ETS1: variants seen among roughly 807,000 people sequenced by gnomAD.
ETS1 encodes protein C-ets-1.
A neutral mutation model predicts 58.6 loss-of-function variants in ETS1; 15 were observed. That is an observed-to-expected ratio of 0.26 (90% CI 0.17 to 0.39). The LOEUF (loss-of-function observed/expected upper bound fraction) is 0.39. ETS1 is among the 10% of genes least tolerant of loss of function. ETS1 has a pLI of 1.00. For missense variants in ETS1, 417 were observed against 610.5 expected (o/e 0.68, Z 3.34); for synonymous variants, 214 against 218.2 (o/e 0.98, Z 0.17).
At chr11:128,546,664 T>A (rs1304541078) in intron 3 of ETS1, among the ~76,000 whole-genome samples, 1 of 152,178 alleles carries the variant, frequency 6.6e-6, no homozygotes, top group Non-Finnish European at 1.5e-5. Context: ...AAAAAATTTT[T>A]TTTTTGCTCT....
intron 2 of ETS1, among the ~76,000 whole-genome samples, chr11:128,571,383 CTCCAGCCTGGGTGACAGAGCGAGACTCCG>C (rs1279243610): frequency 7.5e-5 from 11 of 147,210 alleles, no homozygotes; most frequent in South Asian, 4.2e-4. Flanking sequence ...CACCACAGCA[CTCCAGCCTGGGTGACAGAGCGAGACTCCG>C]TCCAGCCTGG....
At chr11:128,548,152 G>GAAGGA (rs1565405280) in intron 3 of ETS1, among the ~76,000 whole-genome samples, 7 of 95,736 alleles carry the variant, frequency 7.3e-5, no homozygotes, top group South Asian at 3.8e-4. Flanking sequence ...GAAGGGAAGG[G>GAAGGA]AAGGAAAGGA....
chr11:128,580,287 A>C (rs1864840336), intron 1 of ETS1, among the ~76,000 whole-genome samples: 1 of 151,928 alleles, frequency 6.6e-6, no homozygotes, highest in South Asian at 2.1e-4. Context: ...CTTTTCTCTA[A>C]ACTATAGGAT....
chr11:128,486,186 T>A (rs368807549), intron 5 of ETS1, 40 bp from the exon 6 acceptor site: 2 of 1,289,994 alleles, frequency 1.6e-6, no homozygotes, highest in Non-Finnish European at 2.2e-6. Flanking sequence ...GAGGTCAATA[T>A]TCAAGTCATG....
chr11:128,497,240 G>A (rs992554875), intron 3 of ETS1, among the ~76,000 whole-genome samples: 4 of 152,110 alleles, frequency 2.6e-5, no homozygotes, highest in Non-Finnish European at 4.4e-5. Flanking sequence ...ACAGTATCTC[G>A]GTTTGCTGCC....
chr11:128,468,699 T>C (rs986007738), intron 8 of ETS1, among the ~76,000 whole-genome samples: 3 of 152,178 alleles, frequency 2.0e-5, no homozygotes, highest in South Asian at 4.1e-4. Flanking sequence ...ATTTCCATAG[T>C]ACATGGCTTA....
In ETS1 at chr11:128,461,204, T is replaced by G. The variant is rs536552640; in HGVS notation, c.*1157A>C. On this transcript the variant is annotated 3_prime_UTR_variant, in exon 10 of 10. Coordinates refer to ENST00000392668, the MANE Select transcript of ETS1 (RefSeq NM_001143820.2). Reference sequence around the variant, plus strand: ...TGGAAAATAAGACATAAAAGAAAAATTACAGAGTGTTAGTTTGGAACGACA... The same window carrying G: ...TGGAAAATAAGACATAAAAGAAAAAGTACAGAGTGTTAGTTTGGAACGACA... 6.5e-6 allele frequency: 1 copy of G among 152,788 alleles called. No homozygotes were observed. The highest frequency in any genetic ancestry group is 2.4e-5 in the African/African-American group (1 of 41,544). 9.5% of individuals were successfully genotyped at this position (152,788 alleles called of 1,614,324 possible).
intron 3 of ETS1, among the ~76,000 whole-genome samples, chr11:128,531,767 A>T (rs926484156): frequency 1.3e-5 from 2 of 152,318 alleles, no homozygotes; most frequent in East Asian, 3.9e-4. Flanking sequence ...TTGATAGCCA[A>T]TGATTTTTGC....
At chr11:128,546,136 G>A (rs546620056) in intron 3 of ETS1, among the ~76,000 whole-genome samples, 3 of 152,340 alleles carry the variant, frequency 2.0e-5, no homozygotes, top group East Asian at 3.8e-4. Context: ...AAAATGCTAA[G>A]ACATTGCTGG....
intron 3 of ETS1, among the ~76,000 whole-genome samples, chr11:128,534,254 A>G (rs1863940391): frequency 1.3e-5 from 2 of 152,176 alleles, no homozygotes; most frequent in Admixed American, 6.5e-5. Context: ...ACCATAAAAA[A>G]TTTCCTTCCA....
intron 3 of ETS1, chr11:128,526,568 T>C: frequency 4.2e-6 from 1 of 240,450 alleles, no homozygotes; most frequent in Non-Finnish European, 8.3e-6. Context: ...TGCTCAATTT[T>C]CCTGAACGAT....
At chr11:128,585,169 A>AAAGAAAGAAG (rs1337292261) in intron 1 of ETS1, among the ~76,000 whole-genome samples, 1 of 23,738 alleles carries the variant, frequency 4.2e-5, no homozygotes, top group Admixed American at 3.8e-4. Flanking sequence ...AGAAAGAAAG[A>AAAGAAAGAAG]GAAAGAAAGA....
intron 3 of ETS1, among the ~76,000 whole-genome samples, chr11:128,512,550 A>C (rs1158946431): frequency 6.6e-6 from 1 of 152,202 alleles, no homozygotes; most frequent in African/African-American, 2.4e-5. Flanking sequence ...GCCACAGCCC[A>C]GTACATTTGT....
Position 128,522,396 on chromosome 11 carries a change from G to C in ETS1, c.215-31820C>G, listed in dbSNP as rs1296125090. ...CGCGGCGCCGCGTCTCGGCCGCTGG[G>C]TCCGCGCGCCCTGGGCCGGGCGATG... On this transcript the variant is annotated intron_variant, in intron 3 of 9. Coordinates refer to ENST00000392668, the MANE Select transcript of ETS1 (RefSeq NM_001143820.2). 3.1e-6 allele frequency: 3 copies of C among 971,924 alleles called. No individual in the cohort carries two copies. The African/African-American group carries it at 5.3e-5, about 17-fold the overall frequency. 60.2% of individuals were successfully genotyped at this position (971,924 alleles called of 1,614,324 possible).
intron 3 of ETS1, among the ~76,000 whole-genome samples, chr11:128,508,056 G>A (rs984023061): frequency 1.3e-5 from 2 of 152,214 alleles, no homozygotes; most frequent in Admixed American, 6.5e-5. Context: ...CCTAACTCAC[G>A]TTCGGTAAGA....
At position 128,585,031 on chromosome 11, in the gene ETS1, GAA is replaced by G. The variant is rs201786678; in HGVS notation, c.-15+2455_-15+2456del. On this transcript the variant is annotated intron_variant, in intron 1 of 9. Transcript: ENST00000392668. ...AGAAAGGAAAGAAAGAAGAAAGAAA[GAA>G]AAGAAAGAAAGAAAGAAAGAAAGAA... is the stretch of plus-strand genomic sequence containing the variant. Among the ~76,000 whole-genome samples, 21 of 6,432 alleles carry G rather than the reference GAA, an allele frequency of 3.3e-3. 3 individuals are homozygous for G. Among genetic ancestry groups the G allele is most frequent in the East Asian group, 0.024 (4 of 170 alleles). The allele number at this position is 6,432 out of a possible 152,430, so 4.2% of individuals were successfully genotyped here.
intron 3 of ETS1, among the ~76,000 whole-genome samples, chr11:128,523,224 A>G (rs1863735632): frequency 6.6e-6 from 1 of 152,218 alleles, no homozygotes; most frequent in Non-Finnish European, 1.5e-5. Flanking sequence ...TCTGGAGTAC[A>G]TCATTGGCAG....
At chr11:128,487,640 G>A (rs2135455782) in intron 5 of ETS1, among the ~76,000 whole-genome samples, 1 of 152,284 alleles carries the variant, frequency 6.6e-6, no homozygotes, top group Non-Finnish European at 1.5e-5. Context: ...TCAGGAGGGT[G>A]AGGCAGGAGA....
intron 1 of ETS1, among the ~76,000 whole-genome samples, chr11:128,578,861 T>G (rs1864805970): frequency 6.6e-6 from 1 of 152,238 alleles, no homozygotes; most frequent in African/African-American, 2.4e-5. Context: ...ATATCATACT[T>G]TTAAAGAGCC....
Sources: allele counts gnomAD v4.1 joint callset (sites outside exome capture counted in the v4.1 genomes callset), GRCh38; gene constraint gnomAD v4.1.1; transcripts MANE v1.5; gene names NCBI Gene and HGNC (gene_info 2026-07-23, HGNC 2026-07-21).